Variants in CCDC91 observed in about 807,000 individuals in gnomAD.
CCDC91 encodes the protein coiled-coil domain-containing protein 91.
CCDC91 carries 48 observed loss-of-function variants against 63.2 expected under a neutral mutation model. The ratio of observed to expected loss-of-function variants is 0.76; its 90% CI spans 0.60 to 0.97. CCDC91 has a LOEUF of 0.97. Ranked by LOEUF, CCDC91 falls within the 50% of genes least tolerant of loss-of-function variation. The probability of loss-of-function intolerance (pLI) is 0.00; values close to 1 mark genes in which losing one functional copy is unlikely to be tolerated. For missense variants in CCDC91, 500 were observed against 494.6 expected (o/e 1.01, Z -0.10); for synonymous variants, 167 against 165.8 (o/e 1.01, Z -0.06).
At chr12:28,390,938 CTTTTTTTTTT>C (rs200273851) in intron 7 of CCDC91, among the ~76,000 whole-genome samples, 1 of 137,012 alleles carries the variant, frequency 7.3e-6, no homozygotes, top group African/African-American at 2.7e-5. Context: ...CTTTTTCTTT[CTTTTTTTTTT>C]TTTTTCAGCA....
chr12:28,361,867 G>A (rs1260970583), intron 6 of CCDC91, among the ~76,000 whole-genome samples: 3 of 120,976 alleles, frequency 2.5e-5, no homozygotes, highest in Non-Finnish European at 5.0e-5. Flanking sequence ...TCTGTTTTCT[G>A]TGTGTGTGGG....
At chr12:28,506,927 T>TAG in intron 12 of CCDC91, among the ~76,000 whole-genome samples, 1 of 151,686 alleles carries the variant, frequency 6.6e-6, no homozygotes, top group Middle Eastern at 3.4e-3. Context: ...AATCTACCAG[T>TAG]AGTCACATAA....
In CCDC91 at chr12:28,362,106, T is replaced by C. The variant is rs565100708; in HGVS notation, c.577-332T>C. Among the ~76,000 whole-genome samples the C allele has an allele frequency of 1.2e-3, 190 of 152,182 alleles. 1 individual carries two copies. Among genetic ancestry groups the C allele is most frequent in the Non-Finnish European group, 2.0e-3 (135 of 67,976 alleles). On this transcript the variant is annotated intron_variant, in intron 6 of 12. Transcript: ENST00000536442. ...TTAGAAATATAGAGGCCAAGGCTTG[T>C]TGCAGTGACGCAGGGTTTCCCATCT...
chr12:28,371,454 G>A lies in CCDC91; in HGVS notation c.654+8939G>A, dbSNP rs143138740. Reference sequence around the variant, plus strand: ...CGGAAAAATTGTCTTCCATGATACCGTTTCCTGGTGCCAAAAAGGTTAGGG... The same window carrying A: ...CGGAAAAATTGTCTTCCATGATACCATTTCCTGGTGCCAAAAAGGTTAGGG... On this transcript the variant is annotated intron_variant, in intron 7 of 12. Coordinates refer to ENST00000536442, the MANE Select transcript of CCDC91 (RefSeq NM_018318.5). 1.9e-4 allele frequency among the ~76,000 whole-genome samples: 29 copies of A among 152,192 alleles called. 1 individual carries two copies. The East Asian group carries it at 5.2e-3, about 27-fold the overall frequency.
At chr12:28,344,567 C>T (rs1942673864) in intron 6 of CCDC91, among the ~76,000 whole-genome samples, 1 of 152,100 alleles carries the variant, frequency 6.6e-6, no homozygotes, top group African/African-American at 2.4e-5. Flanking sequence ...ATGATAAAAT[C>T]TCTTTATTAT....
chr12:28,521,595 G>A (rs926328787), intron 12 of CCDC91, among the ~76,000 whole-genome samples: 10 of 152,114 alleles, frequency 6.6e-5, no homozygotes, highest in Admixed American at 6.6e-4. Flanking sequence ...CCTTGCCAGA[G>A]CTTCTAACAC....
chr12:28,415,358 G>A (rs1397875423), intron 8 of CCDC91, among the ~76,000 whole-genome samples: 1 of 151,898 alleles, frequency 6.6e-6, no homozygotes, highest in Non-Finnish European at 1.5e-5. Context: ...CGAGTAGCTG[G>A]GATTATAGGC....
intron 8 of CCDC91, among the ~76,000 whole-genome samples, chr12:28,410,770 C>T (rs894664081): frequency 6.6e-6 from 1 of 152,260 alleles, no homozygotes; most frequent in Non-Finnish European, 1.5e-5. Context: ...AATCCGCCCG[C>T]CTCAGCCTCC....
At position 28,486,442 on chromosome 12, in the gene CCDC91, T is replaced by C. The variant is rs1290140995; in HGVS notation, c.1215+2277T>C. On this transcript the variant is annotated intron_variant, in intron 12 of 12. Transcript: ENST00000536442. ...TAGTCTTAATAGTATATGGCCAATC[T>C]TTATTTGAGCTCTGAATCTGAATGA... Among the ~76,000 whole-genome samples, 3 of 152,180 alleles carry C rather than the reference T, an allele frequency of 2.0e-5. No homozygotes were observed. In the East Asian group the frequency reaches 5.8e-4, roughly 29 times the overall value.
intron 6 of CCDC91, among the ~76,000 whole-genome samples, chr12:28,356,182 A>G (rs1208261020): frequency 6.6e-6 from 1 of 152,140 alleles, no homozygotes; most frequent in South Asian, 2.1e-4. Flanking sequence ...CATTTATTCT[A>G]TGGGAAAGAC....
chr12:28,541,047 C>T (rs191844200), intron 12 of CCDC91, among the ~76,000 whole-genome samples: 297 of 152,230 alleles, frequency 2.0e-3, no homozygotes, highest in Non-Finnish European at 3.2e-3. Context: ...GACCCAGAGG[C>T]ACTCCTGTAA....
intron 6 of CCDC91, among the ~76,000 whole-genome samples, chr12:28,325,924 A>G (rs1291191582): frequency 6.6e-6 from 1 of 152,136 alleles, no homozygotes; most frequent in Admixed American, 6.6e-5. Flanking sequence ...TTTAAACAAT[A>G]TGGCACAGTA....
At chr12:28,415,807 A>G (rs1256609725) in intron 8 of CCDC91, among the ~76,000 whole-genome samples, 1 of 152,046 alleles carries the variant, frequency 6.6e-6, no homozygotes, top group African/African-American at 2.4e-5. Context: ...TGATTTTAAA[A>G]ACTAAGAATA....
chr12:28,421,015 A>AATTTTTT (rs1460658506), intron 8 of CCDC91, among the ~76,000 whole-genome samples: 1 of 151,960 alleles, frequency 6.6e-6, no homozygotes, highest in African/African-American at 2.4e-5. Context: ...ATTTTTTCTC[A>AATTTTTT]GCATAGATTT....
intron 8 of CCDC91, among the ~76,000 whole-genome samples, chr12:28,423,515 A>T (rs547927072): frequency 1.1e-3 from 172 of 152,236 alleles, no homozygotes; most frequent in Non-Finnish European, 2.0e-3. Context: ...CTGTATCTTT[A>T]TTCTGCTCAA....
intron 1 of CCDC91, among the ~76,000 whole-genome samples, chr12:28,210,930 TTTA>T (rs1210449876): frequency 1.3e-5 from 2 of 151,652 alleles, no homozygotes; most frequent in African/African-American, 2.4e-5. Context: ...CGGAGTCTCA[TTTA>T]TTATTATTTT....
intron 6 of CCDC91, among the ~76,000 whole-genome samples, chr12:28,361,572 C>A (rs191943397): frequency 4.2e-5 from 6 of 142,716 alleles, no homozygotes; most frequent in African/African-American, 1.5e-4. Context: ...TTGCTGTAGT[C>A]TTTATTTTTT....
intron 8 of CCDC91, among the ~76,000 whole-genome samples, chr12:28,436,360 T>C (rs1241329720): frequency 3.3e-5 from 5 of 151,830 alleles, no homozygotes; most frequent in Non-Finnish European, 7.4e-5. Flanking sequence ...ATTTCACAGA[T>C]AGTGTTAATC....
chr12:28,256,392 T>G (rs1946448149), intron 1 of CCDC91, among the ~76,000 whole-genome samples: 1 of 152,032 alleles, frequency 6.6e-6, no homozygotes, highest in Non-Finnish European at 1.5e-5. Flanking sequence ...TTTCAGGTTA[T>G]TTAGTTCTTG....
Sources: gnomAD v4.1 joint callset for allele counts (sites outside exome capture counted in the v4.1 genomes callset) on GRCh38, gnomAD v4.1.1 for gene constraint, MANE v1.5 for transcripts, NCBI Gene and HGNC (gene_info 2026-07-23, HGNC 2026-07-21) for gene names.